Variants in DENND2D observed in about 807,000 individuals in gnomAD.
DENND2D encodes the protein DENN domain containing 2D, also known as DENN domain-containing protein 2D.
A neutral mutation model predicts 59.8 loss-of-function variants in DENND2D; 37 were observed. That is an observed-to-expected ratio of 0.62 (90% CI 0.48 to 0.81). The LOEUF (loss-of-function observed/expected upper bound fraction) is 0.81. Ranked by LOEUF, DENND2D falls within the 40% of genes least tolerant of loss-of-function variation. The pLI, the probability that DENND2D is intolerant of heterozygous loss-of-function variation, is 0.00. For synonymous variants in DENND2D, 219 were observed against 211.3 expected, an observed-to-expected ratio of 1.04 and a Z score of -0.31; for missense variants, 525 against 579.7, an observed-to-expected ratio of 0.91 and a Z score of 0.97.
chr1:111,199,005 A>G (rs1187572185), intron 2 of DENND2D, among the ~76,000 whole-genome samples: 3 of 152,236 alleles, frequency 2.0e-5, no homozygotes, highest in Non-Finnish European at 4.4e-5. Flanking sequence ...ATCGAGATCT[A>G]CATAGAAAGG....
At position 111,187,395 on chromosome 1, in the gene DENND2D, G is replaced by A; in HGVS notation, c.*210C>T. On this transcript the variant is annotated 3_prime_UTR_variant, in exon 12 of 12. Coordinates refer to ENST00000357640, the MANE Select transcript of DENND2D (RefSeq NM_024901.5). Reference sequence around the variant, plus strand: ...AATGGAGCTCTGAGCCCAGTTCTGTGAGCATGGTGTCAGAGCCCTCCAAAG... The same window carrying A: ...AATGGAGCTCTGAGCCCAGTTCTGTAAGCATGGTGTCAGAGCCCTCCAAAG... 1.8e-6 allele frequency: 1 copy of A among 567,962 alleles called. No individual in the cohort carries two copies. Among genetic ancestry groups the A allele is most frequent in the South Asian group, 2.2e-5 (1 of 46,346 alleles). 35.2% of individuals were successfully genotyped at this position (567,962 alleles called of 1,614,324 possible).
chr1:111,188,395 C>A, intron 10 of DENND2D, 25 bp from the exon 11 acceptor site: 3 of 1,605,420 alleles, frequency 1.9e-6, no homozygotes, highest in South Asian at 1.1e-5. Flanking sequence ...AAGGCCATCT[C>A]AGAGGGTAGC....
Position 111,188,282 on chromosome 1 carries a change from C to G in DENND2D, c.1188G>C (p.Arg396=), listed in dbSNP as rs769569910. 6.2e-7 allele frequency: 1 copy of G among 1,614,106 alleles called. No homozygotes were observed. Among genetic ancestry groups the G allele is most frequent in the Admixed American group, 1.7e-5 (1 of 60,014 alleles). Reference sequence around the variant, plus strand: ...GGAAGTGGCCTTGCCCATTTGCCTCCCGCTTGATATAGGAAGCATAATGGC... The same window carrying G: ...GGAAGTGGCCTTGCCCATTTGCCTCGCGCTTGATATAGGAAGCATAATGGC... ...IVGHYASYIK[R]EANGQGHFQE... The change falls in exon 11 of 12, where the codon CGG becomes CGC. Residue 396 remains arginine (R), a synonymous_variant. Transcript: ENST00000357640.
intron 7 of DENND2D, among the ~76,000 whole-genome samples, chr1:111,192,864 C>T (rs1251006535): frequency 6.6e-6 from 1 of 152,198 alleles, no homozygotes; most frequent in Non-Finnish European, 1.5e-5. Context: ...CACACAGCCC[C>T]CTCTGGGCAC....
chr1:111,197,288 A>C (rs1658334614), intron 4 of DENND2D, 35 bp from the exon 5 acceptor site: 1 of 1,593,388 alleles, frequency 6.3e-7, no homozygotes, highest in African/African-American at 1.3e-5. Flanking sequence ...TCAGTGCTGC[A>C]GCCTCCCCAA....
intron 11 of DENND2D, 28 bp downstream of exon 11, chr1:111,188,103 C>T: frequency 6.2e-7 from 1 of 1,613,536 alleles, no homozygotes. Context: ...CCTCTATGGG[C>T]TTAGACTGAT....
chr1:111,198,253 C>T (rs764860804), intron 3 of DENND2D, among the ~76,000 whole-genome samples: 1 of 152,220 alleles, frequency 6.6e-6, no homozygotes, highest in Non-Finnish European at 1.5e-5. Flanking sequence ...TCACTCAACT[C>T]ATAAATAGTG....
Position 111,187,342 on chromosome 1 carries a change from G to A in DENND2D, c.*263C>T. Reference sequence around the variant, plus strand: ...AAGTGTCTACAACACATGTACTACTGTTTCCTACCTGTGTCACCTCTGCAA... The same window carrying A: ...AAGTGTCTACAACACATGTACTACTATTTCCTACCTGTGTCACCTCTGCAA... On this transcript the variant is annotated 3_prime_UTR_variant, in exon 12 of 12. Coordinates refer to ENST00000357640, the MANE Select transcript of DENND2D (RefSeq NM_024901.5). 1 of 483,310 alleles carries A rather than the reference G, an allele frequency of 2.1e-6. No individual in the cohort carries two copies. Among genetic ancestry groups the A allele is most frequent in the Non-Finnish European group, 3.8e-6 (1 of 264,550 alleles). 29.9% of individuals were successfully genotyped at this position (483,310 alleles called of 1,614,324 possible). A position where few individuals can be genotyped will look rare whatever the true frequency, so the allele number is the denominator to read the frequency against.
In DENND2D at chr1:111,192,215, G is replaced by A. The variant is rs1256943270; in HGVS notation, c.897C>T (p.Val299=). The part of the protein sequence containing the change: ...PVVPESLLAT[V]CCPTPFMVGV... ...CAACCATGAAGGGGGTGGGGCAGCA[G>A]ACGGTGGCCAGAAGGCTCTCAGGGA... is the stretch of plus-strand genomic sequence containing the variant. Residue 299 remains valine (V), a synonymous_variant, in exon 8 of 12, where the codon GTC becomes GTT. Coordinates refer to ENST00000357640, the MANE Select transcript of DENND2D (RefSeq NM_024901.5). The A allele has an allele frequency of 6.2e-7, 1 of 1,614,080 alleles. No homozygotes were observed. Among genetic ancestry groups the A allele is most frequent in the Admixed American group, 1.7e-5 (1 of 60,010 alleles).
chr1:111,197,380 G>A, intron 4 of DENND2D, 127 bp from the exon 5 acceptor site: 8 of 1,488,372 alleles, frequency 5.4e-6, no homozygotes, highest in Non-Finnish European at 7.1e-6. Flanking sequence ...GGTGCAGCAG[G>A]GAGGTCAGAA....
intron 4 of DENND2D, chr1:111,197,556 TG>T (rs1174141049): frequency 2.2e-6 from 3 of 1,366,656 alleles, no homozygotes; most frequent in South Asian, 1.7e-5. Context: ...AAAGGTGACT[TG>T]GGGAATCCTC....
intron 10 of DENND2D, 82 bp from the exon 11 acceptor site, chr1:111,188,452 C>T (rs571243141): frequency 4.5e-6 from 7 of 1,562,168 alleles, no homozygotes; most frequent in Non-Finnish European, 6.1e-6. Context: ...GGCTTTCTTG[C>T]AGGCGGAAAG....
upstream of DENND2D, chr1:111,204,513 C>CG (rs1047414673): frequency 2.6e-6 from 2 of 774,530 alleles, no homozygotes; most frequent in African/African-American, 3.7e-5. Context: ...GCCCAACCCC[C>CG]GGGCGCACCT....
rs1657506689 is a variant in DENND2D, at chr1:111,189,266, T to C, written c.973-13A>G. On this transcript the variant is annotated splice_polypyrimidine_tract_variant and intron_variant, in intron 8 of 11. Transcript: ENST00000357640. Reference sequence around the variant, plus strand: ...TGACCAGCAGGACCTGAAATAAACATAGACTGGCTTTCTCTGGTCCTCTTT... The same window carrying C: ...TGACCAGCAGGACCTGAAATAAACACAGACTGGCTTTCTCTGGTCCTCTTT... 6.2e-7 allele frequency: 1 copy of C among 1,614,012 alleles called. No homozygotes were observed. Among genetic ancestry groups the C allele is most frequent in the Admixed American group, 1.7e-5 (1 of 60,012 alleles).
intron 8 of DENND2D, 133 bp from the exon 9 acceptor site, chr1:111,189,386 A>C: frequency 2.4e-6 from 2 of 835,184 alleles, no homozygotes; most frequent in Non-Finnish European, 3.9e-6. Flanking sequence ...TTCAGTTCTC[A>C]TTTCCTATCT....
rs1338415101 is a variant in DENND2D, at chr1:111,189,218, TA to T, written c.1007del (p.Leu336Ter). On this transcript the variant is annotated frameshift_variant, in exon 9 of 12. Coordinates refer to ENST00000357640, the MANE Select transcript of DENND2D (RefSeq NM_024901.5). LOFTEE classifies it high-confidence loss of function. ...TCTGAACCCAGACACTTACCGACATTAAGAAGGTTCCTTCACAAAGATTGAC... is the reference window on the plus strand; with the variant it reads ...TCTGAACCCAGACACTTACCGACATTAGAAGGTTCCTTCACAAAGATTGAC... ...LLVNLCEGTF[L>X]MSVGDEKDIL... 4.3e-6 allele frequency: 7 copies of T among 1,614,052 alleles called. No individual in the cohort carries two copies.
rs754729855 is a variant in DENND2D at position 111,188,381 on chromosome 1, T to TA, written c.1100-12dup. ...TGATTTGTTCTGCAGCTGCAGGAGATATAAAGGCCATCTCAGAGGGTAGCA... is the reference window on the plus strand; with the variant it reads ...TGATTTGTTCTGCAGCTGCAGGAGATAATAAAGGCCATCTCAGAGGGTAGCA... On this transcript the variant is annotated splice_polypyrimidine_tract_variant and intron_variant, in intron 10 of 11. Coordinates refer to ENST00000357640, the MANE Select transcript of DENND2D (RefSeq NM_024901.5). The TA allele has an allele frequency of 5.6e-6, 9 of 1,611,748 alleles. No individual in the cohort carries two copies. The South Asian group carries it at 7.7e-5, about 14-fold the overall frequency.
At position 111,189,103 on chromosome 1, in the gene DENND2D, C is replaced by G. The variant is rs890431271; in HGVS notation, c.1014+109G>C. 6.2e-6 allele frequency: 8 copies of G among 1,299,008 alleles called. No individual in the cohort carries two copies. The Admixed American group carries it at 7.4e-5, about 12-fold the overall frequency. The allele number at this position is 1,299,008 out of a possible 1,614,324, so 80.5% of individuals were successfully genotyped here. On this transcript the variant is annotated intron_variant, in intron 9 of 11. Coordinates refer to ENST00000357640, the MANE Select transcript of DENND2D (RefSeq NM_024901.5). ...AGATGTGGTCTTTTTAGCACAGATTCTCACTCAACAAAGAACTTAAATGTT... is the reference window on the plus strand; with the variant it reads ...AGATGTGGTCTTTTTAGCACAGATTGTCACTCAACAAAGAACTTAAATGTT...
upstream of DENND2D, chr1:111,204,218 G>A (rs937986242): frequency 3.2e-5 from 44 of 1,374,184 alleles, no homozygotes; most frequent in African/African-American, 3.4e-4. Flanking sequence ...GCCCTCCACC[G>A]GGCCCCAGCC....
Sources: gnomAD v4.1 joint callset for allele counts (sites outside exome capture counted in the v4.1 genomes callset) on GRCh38, gnomAD v4.1.1 for gene constraint, MANE v1.5 for transcripts, NCBI Gene and HGNC (gene_info 2026-07-23, HGNC 2026-07-21) for gene names.